The following DMD variants were observed in gnomAD, a reference collection of about 807,000 sequenced individuals.
DMD encodes the protein dystrophin.
In DMD, 63 loss-of-function variants were observed where a neutral mutation model predicts 330.1. The observed-to-expected ratio is 0.19, with a 90% confidence interval of 0.16 to 0.24. The LOEUF is 0.24. Among genes scored for constraint, DMD ranks in the 10% least tolerant of loss-of-function variants. The probability of loss-of-function intolerance (pLI) is 1.00; values close to 1 mark genes in which losing one functional copy is unlikely to be tolerated. For missense variants in DMD, 3,344 were observed against 2,684.1 expected (o/e 1.25, Z -5.43); for synonymous variants, 1,223 against 959.8 (o/e 1.27, Z -5.07).
chrX:32,686,641 T>G (rs924331331), intron 9 of DMD, among the ~76,000 whole-genome samples: 4 of 108,482 alleles, frequency 3.7e-5, no homozygotes, highest in African/African-American at 6.7e-5. Flanking sequence ...ATGGTTGTCA[T>G]GTATCTTAAT....
intron 44 of DMD, among the ~76,000 whole-genome samples, chrX:32,075,088 T>A (rs962485821): frequency 1.8e-5 from 2 of 112,083 alleles, no homozygotes; most frequent in African/African-American, 6.5e-5. Flanking sequence ...ACTCCTCAGA[T>A]AAAGCTCTAA....
At chrX:32,843,507 A>C in intron 4 of DMD, among the ~76,000 whole-genome samples, 1 of 112,225 alleles carries the variant, frequency 8.9e-6, no homozygotes, top group East Asian at 2.8e-4. Flanking sequence ...AATTCATAAA[A>C]TCAGCCAATT....
intron 37 of DMD, among the ~76,000 whole-genome samples, chrX:32,353,222 T>G (rs2147116023): frequency 9.0e-6 from 1 of 111,594 alleles, no homozygotes; most frequent in East Asian, 2.8e-4. Context: ...GTTCACTAGT[T>G]CAGCATTAGG....
chrX:31,432,240 C>G (rs1445380821), intron 60 of DMD, among the ~76,000 whole-genome samples: 1 of 111,612 alleles, frequency 9.0e-6, no homozygotes, highest in African/African-American at 3.3e-5. Flanking sequence ...TGGTTCAATT[C>G]TATTCACTAT....
intron 21 of DMD, among the ~76,000 whole-genome samples, chrX:32,480,048 C>A (rs907145492): frequency 1.8e-5 from 2 of 110,684 alleles, no homozygotes; most frequent in Non-Finnish European, 3.8e-5. Context: ...ATAGAAACCT[C>A]AAAAAACTCA....
chrX:32,136,915 C>T (rs189556222), intron 44 of DMD, among the ~76,000 whole-genome samples: 2 of 110,238 alleles, frequency 1.8e-5, no homozygotes, highest in East Asian at 5.7e-4. Flanking sequence ...AGCTAGATGA[C>T]GAGTTAGTGG....
intron 54 of DMD, among the ~76,000 whole-genome samples, chrX:31,646,159 G>T (rs1212159310): frequency 9.0e-6 from 1 of 111,236 alleles, no homozygotes; most frequent in East Asian, 2.8e-4. Context: ...TGAAATATAC[G>T]TTCTTAGGAC....
At chrX:32,836,151 C>A (rs768491419) in intron 4 of DMD, among the ~76,000 whole-genome samples, 1 of 109,226 alleles carries the variant, frequency 9.2e-6, no homozygotes, top group South Asian at 4.1e-4. Context: ...CATGCCTCAG[C>A]CTCCCCAGTA....
In DMD at chrX:31,833,297, AGAGGGAGAGAGG is replaced by A. The variant is rs1569464469; in HGVS notation, c.7200+3409_7200+3420del. Among the ~76,000 whole-genome samples the A allele has an allele frequency of 9.5e-4, 18 of 18,983 alleles. 1 individual carries two copies. The highest frequency in any genetic ancestry group is 3.9e-3 in the African/African-American group (9 of 2,316). The allele number at this position is 18,983 out of a possible 115,157, so 16.5% of individuals were successfully genotyped here. ...GGGAGAGAGAGAGAGAGAGAGGGAG[AGAGGGAGAGAGG>A]GAGAGAGGGAGAGAGGGAGAGAGGG... On this transcript the variant is annotated intron_variant, in intron 49 of 78. Transcript: ENST00000357033.
At position 31,119,369 on chromosome X, in the gene DMD, G is replaced by GTGTT. The variant is rs1555968709; in HGVS notation, c.*2546_*2549dup. The GTGTT allele has an allele frequency of 2.7e-5, 3 of 112,246 alleles. No homozygotes were observed. Among genetic ancestry groups the GTGTT allele is most frequent in the Non-Finnish European group, 5.6e-5 (3 of 53,098 alleles). 9.3% of individuals were successfully genotyped at this position (112,246 alleles called of 1,213,427 possible). On this transcript the variant is annotated 3_prime_UTR_variant, in exon 79 of 79. Coordinates refer to ENST00000357033, the MANE Select transcript of DMD (RefSeq NM_004006.3). Reference sequence around the variant, plus strand: ...AAAAAAATAATTCGTAAATGTTACAGTGTTGGTGTTAAAACACAATATATT... The same window carrying GTGTT: ...AAAAAAATAATTCGTAAATGTTACAGTGTTTGTTGGTGTTAAAACACAATATATT...
At chrX:31,763,666 GGCTTCAA>G (rs1259446646) in intron 51 of DMD, among the ~76,000 whole-genome samples, 5 of 111,736 alleles carry the variant, frequency 4.5e-5, no homozygotes, top group Non-Finnish European at 9.4e-5. Flanking sequence ...AAATCTCAAA[GGCTTCAA>G]GCTGTGACAT....
intron 1 of DMD, among the ~76,000 whole-genome samples, chrX:33,271,348 TAA>T (rs745388462): frequency 3.0e-5 from 3 of 98,729 alleles, no homozygotes; most frequent in Non-Finnish European, 2.1e-5. Context: ...TACCTAAAAC[TAA>T]AAAAAAAAAA....
chrX:31,180,567 C>A (rs1421635068), intron 68 of DMD, 86 bp from the exon 69 acceptor site: 3 of 654,815 alleles, frequency 4.6e-6, no homozygotes, highest in East Asian at 3.4e-5. Context: ...CTACCACGTT[C>A]TAATTTGAGA....
intron 1 of DMD, among the ~76,000 whole-genome samples, chrX:33,031,949 A>C (rs2094122551): frequency 1.8e-5 from 2 of 112,382 alleles, no homozygotes; most frequent in South Asian, 7.4e-4. Flanking sequence ...AGTACAAAGT[A>C]AGTGCCAATA....
chrX:32,754,062 G>A (rs542210481), intron 7 of DMD, among the ~76,000 whole-genome samples: 4 of 111,000 alleles, frequency 3.6e-5, no homozygotes, highest in South Asian at 3.8e-4. Context: ...TGTTATGTAA[G>A]GTATTGATCA....
chrX:32,191,359 T>G (rs1439286795), intron 44 of DMD, among the ~76,000 whole-genome samples: 4 of 112,271 alleles, frequency 3.6e-5, no homozygotes, highest in African/African-American at 1.3e-4. Context: ...GCGTCGAGGC[T>G]TCTCAATGTA....
intron 4 of DMD, among the ~76,000 whole-genome samples, chrX:32,832,126 C>T (rs1314170359): frequency 9.0e-6 from 1 of 111,201 alleles, no homozygotes. Flanking sequence ...CCCTCATATG[C>T]AGTGTAAAAT....
intron 42 of DMD, among the ~76,000 whole-genome samples, chrX:32,300,170 T>G (rs939279149): frequency 7.1e-5 from 8 of 112,046 alleles, no homozygotes; most frequent in Non-Finnish European, 1.3e-4. Flanking sequence ...GAGTTGAACT[T>G]GCTTATGAAA....
intron 60 of DMD, among the ~76,000 whole-genome samples, chrX:31,356,658 T>C (rs2058691648): frequency 8.9e-6 from 1 of 112,297 alleles, no homozygotes; most frequent in African/African-American, 3.2e-5. Flanking sequence ...CCTCACCGAT[T>C]TCTAAAATGC....
Sources: gnomAD v4.1 joint callset for allele counts (sites outside exome capture counted in the v4.1 genomes callset) on GRCh38, gnomAD v4.1.1 for gene constraint, MANE v1.5 for transcripts, NCBI Gene and HGNC (gene_info 2026-07-23, HGNC 2026-07-21) for gene names.